The following HPSE2 variants were observed in gnomAD, a reference collection of about 807,000 sequenced individuals.
HPSE2 encodes the protein inactive heparanase-2.
In HPSE2, 38 loss-of-function variants were observed where a neutral mutation model predicts 60.5. The ratio of observed to expected loss-of-function variants is 0.63; its 90% confidence interval spans 0.48 to 0.82. The LOEUF (loss-of-function observed/expected upper bound fraction) is 0.82, where lower values mean the gene tolerates loss of function less well. Ranked by LOEUF, HPSE2 falls within the 40% of genes least tolerant of loss-of-function variation. The probability of loss-of-function intolerance (pLI) is 0.00; values close to 1 mark genes in which losing one functional copy is unlikely to be tolerated. For synonymous variants in HPSE2, 295 were observed against 293.2 expected (o/e 1.01, Z -0.06); for missense variants, 713 against 740.4 (o/e 0.96, Z 0.43).
intron 8 of HPSE2, among the ~76,000 whole-genome samples, chr10:98,618,691 C>G (rs1945989334): frequency 6.6e-6 from 1 of 152,198 alleles, no homozygotes. Flanking sequence ...ATTCTCCCGC[C>G]TCAGCCTCCC....
intron 6 of HPSE2, among the ~76,000 whole-genome samples, chr10:98,684,911 T>A (rs1947874296): frequency 7.5e-6 from 1 of 132,984 alleles, no homozygotes; most frequent in Non-Finnish European, 1.6e-5. Flanking sequence ...ACAAAATTAT[T>A]TCCCATTTAT....
intron 3 of HPSE2, among the ~76,000 whole-genome samples, chr10:98,789,380 G>T (rs948025803): frequency 6.6e-6 from 1 of 152,158 alleles, no homozygotes; most frequent in African/African-American, 2.4e-5. Flanking sequence ...TGCAGGATGG[G>T]TTTTTCAAGA....
intron 3 of HPSE2, among the ~76,000 whole-genome samples, chr10:98,824,552 A>G (rs926043501): frequency 6.6e-6 from 1 of 152,178 alleles, no homozygotes; most frequent in African/African-American, 2.4e-5. Context: ...TTTATCTTTA[A>G]AATGATGGAG....
At chr10:99,151,689 A>G (rs1846269877) in intron 2 of HPSE2, among the ~76,000 whole-genome samples, 1 of 152,234 alleles carries the variant, frequency 6.6e-6, no homozygotes, top group South Asian at 2.1e-4. Context: ...TGGAGACTAG[A>G]AAGCAGTAGA....
At chr10:98,668,282 A>G (rs1298331931) in intron 6 of HPSE2, among the ~76,000 whole-genome samples, 2 of 152,182 alleles carry the variant, frequency 1.3e-5, no homozygotes, top group African/African-American at 4.8e-5. Flanking sequence ...ATAAATAGAA[A>G]AATATTCCAT....
At chr10:99,310,262 C>T in the HPSE2 span, among the ~76,000 whole-genome samples, 2 of 152,160 alleles carry the variant, frequency 1.3e-5, no homozygotes, top group South Asian at 2.1e-4. Context: ...CATTTACAGC[C>T]TCCTGGTATG....
intron 2 of HPSE2, among the ~76,000 whole-genome samples, chr10:99,232,081 T>C (rs1849662376): frequency 6.6e-6 from 1 of 152,150 alleles, no homozygotes; most frequent in Non-Finnish European, 1.5e-5. Context: ...GAGAACAACC[T>C]GGAGAACCCC....
intron 3 of HPSE2, among the ~76,000 whole-genome samples, chr10:98,770,215 G>A (rs1950210743): frequency 6.6e-6 from 1 of 152,062 alleles, no homozygotes; most frequent in Admixed American, 6.6e-5. Context: ...CACAAGTGAG[G>A]GTCATTTCTT....
At chr10:98,493,193 C>T (rs1375105835) in intron 9 of HPSE2, among the ~76,000 whole-genome samples, 2 of 152,174 alleles carry the variant, frequency 1.3e-5, no homozygotes, top group Non-Finnish European at 2.9e-5. Flanking sequence ...CATTTGTATA[C>T]CACATTTGAA....
At chr10:98,643,717 G>T (rs760164527) in intron 6 of HPSE2, among the ~76,000 whole-genome samples, 67 of 152,150 alleles carry the variant, frequency 4.4e-4, no homozygotes, top group Non-Finnish European at 8.2e-4. Flanking sequence ...TTGAAAAAAA[G>T]ATCAGATACA....
chr10:98,521,012 T>C (rs1353411849), intron 9 of HPSE2, among the ~76,000 whole-genome samples: 5 of 152,190 alleles, frequency 3.3e-5, no homozygotes, highest in African/African-American at 1.2e-4. Context: ...AAGACTTAAG[T>C]GTTAGACCTA....
At chr10:98,886,597 A>T (rs934155016) in intron 3 of HPSE2, among the ~76,000 whole-genome samples, 43 of 152,220 alleles carry the variant, frequency 2.8e-4, no homozygotes, top group African/African-American at 9.6e-4. Flanking sequence ...GGAGAGAGAG[A>T]AAAGAACTCA....
intron 3 of HPSE2, among the ~76,000 whole-genome samples, chr10:98,894,430 T>G (rs1000826892): frequency 1.3e-5 from 2 of 151,976 alleles, no homozygotes; most frequent in African/African-American, 4.8e-5. Flanking sequence ...CAAACAGAAC[T>G]TCCAGAAGTG....
At position 99,235,101 on chromosome 10, in the gene HPSE2, TACAC is replaced by T. The variant is rs10630273; in HGVS notation, c.290+408_290+411del. ...CACACACACACTCTCCTGTCTCACA[TACAC>T]ACACACACACACACACACACACATA... On this transcript the variant is annotated intron_variant, in intron 1 of 11. Coordinates refer to ENST00000370552, the MANE Select transcript of HPSE2 (RefSeq NM_021828.5). 8.3e-4 allele frequency among the ~76,000 whole-genome samples: 123 copies of T among 147,598 alleles called. 1 individual carries two copies. Among genetic ancestry groups the T allele is most frequent in the East Asian group, 3.2e-3 (16 of 4,972 alleles).
chr10:98,821,609 T>A (rs10883213), intron 3 of HPSE2, among the ~76,000 whole-genome samples: 5,749 of 152,176 alleles, frequency 0.038, 233 homozygotes, highest in East Asian at 0.17. Context: ...TATATTCTGG[T>A]GAAAATAAAA....
intron 5 of HPSE2, among the ~76,000 whole-genome samples, chr10:98,706,292 G>T (rs1312318366): frequency 2.0e-5 from 3 of 152,252 alleles, no homozygotes; most frequent in African/African-American, 7.2e-5. Flanking sequence ...TGGAGAAAAC[G>T]CTACCATATT....
chr10:98,996,111 G>T (rs945963680), intron 3 of HPSE2, among the ~76,000 whole-genome samples: 3 of 151,942 alleles, frequency 2.0e-5, no homozygotes, highest in Non-Finnish European at 2.9e-5. Context: ...AAAAACTAAG[G>T]AAACTTAAAT....
chr10:98,800,930 A>G (rs1950891855), intron 3 of HPSE2, among the ~76,000 whole-genome samples: 1 of 152,188 alleles, frequency 6.6e-6, no homozygotes, highest in African/African-American at 2.4e-5. Flanking sequence ...AAAAACAGAA[A>G]ACTACAGGCC....
chr10:98,591,508 C>A (rs1326945754), intron 9 of HPSE2, among the ~76,000 whole-genome samples: 2 of 151,874 alleles, frequency 1.3e-5, no homozygotes, highest in African/African-American at 4.8e-5. Context: ...ATTAAAAATA[C>A]AAAAATTAGC....
Sources: gnomAD v4.1 joint callset for allele counts (sites outside exome capture counted in the v4.1 genomes callset) on GRCh38, gnomAD v4.1.1 for gene constraint, MANE v1.5 for transcripts, NCBI Gene and HGNC (gene_info 2026-07-23, HGNC 2026-07-21) for gene names.